The following KIF1C variants were observed in gnomAD, a reference collection of about 807,000 sequenced individuals.
The protein encoded by KIF1C is kinesin family member 1C, also known as kinesin-like protein KIF1C.
A neutral mutation model predicts 126.5 loss-of-function variants in KIF1C; 61 were observed. That is an observed-to-expected ratio of 0.48 (90% CI 0.39 to 0.60). The LOEUF is 0.60. KIF1C is among the 20% of genes least tolerant of loss of function. KIF1C has a pLI of 0.00. For synonymous variants in KIF1C, 640 were observed against 580.6 expected, an observed-to-expected ratio of 1.10 and a Z score of -1.47; for missense variants, 1,315 against 1,489.2, an observed-to-expected ratio of 0.88 and a Z score of 1.93.
chr17:5,016,218 A>G (rs1232227966), intron 18 of KIF1C, among the ~76,000 whole-genome samples: 1 of 150,456 alleles, frequency 6.6e-6, no homozygotes, highest in Non-Finnish European at 1.5e-5. Flanking sequence ...ACTCACTGCA[A>G]CCTCTGCCTC....
chr17:5,021,014 C>T, intron 21 of KIF1C, 136 bp downstream of exon 21: 1 of 716,756 alleles, frequency 1.4e-6, no homozygotes, highest in East Asian at 2.7e-5. Flanking sequence ...AGGAAAAAGC[C>T]AGGAGAGAGA....
Position 5,022,494 on chromosome 17 carries a change from G to C in KIF1C, c.2413G>C (p.Asp805His). Residue 805 changes from aspartate to histidine, a missense_variant, in exon 22 of 23, where the codon GAC becomes CAC. Asp to His is a moderately conservative substitution (Grantham distance 81). This residue lies in a region of KIF1C where 441 missense variants were observed against 436.1 expected (regional missense o/e 1.01). Transcript: ENST00000320785. The surrounding 1 kb of genome is among the most constrained non-coding windows in gnomAD (Gnocchi z 4.9). ...AWRAVARDVWDTVGEEEGGGA... is the reference protein window; with the variant it reads ...AWRAVARDVWHTVGEEEGGGA... ...GAGGGCTGTGGCCCGGGATGTCTGG[G>C]ACACTGTAGGCGAGGAGGAAGGAGG... is the stretch of plus-strand genomic sequence containing the variant. The C allele has an allele frequency of 6.3e-7, 1 of 1,587,644 alleles. No homozygotes were observed. Among genetic ancestry groups the C allele is most frequent in the Non-Finnish European group, 8.6e-7 (1 of 1,165,872 alleles).
intron 8 of KIF1C, among the ~76,000 whole-genome samples, 179 bp from the exon 9 acceptor site, chr17:5,003,429 TTGAG>T (rs1169302222): frequency 2.0e-5 from 3 of 152,094 alleles, no homozygotes; most frequent in African/African-American, 7.2e-5. Flanking sequence ...CTATTTGTAA[TTGAG>T]TGAGTAACCA....
intron 16 of KIF1C, among the ~76,000 whole-genome samples, chr17:5,009,997 G>A (rs1013782719): frequency 6.6e-6 from 1 of 152,064 alleles, no homozygotes; most frequent in Non-Finnish European, 1.5e-5. Flanking sequence ...CACAATCTCA[G>A]CTCAGTGCAA....
In KIF1C at chr17:5,023,699, G is replaced by A; in HGVS notation, c.2860G>A (p.Gly954Ser). 3 of 1,578,782 alleles carry A rather than the reference G, an allele frequency of 1.9e-6. No homozygotes were observed. The highest frequency in any genetic ancestry group is 2.6e-6 in the Non-Finnish European group (3 of 1,162,470). The change falls in exon 23 of 23, where the codon GGC becomes AGC. Residue 954 changes from glycine to serine, a missense_variant. Around this residue, in one of 2 missense-constraint regions of KIF1C, gnomAD observed 441 missense variants for 436.1 expected, o/e 1.01. Coordinates refer to ENST00000320785, the MANE Select transcript of KIF1C (RefSeq NM_006612.6). This position sits in a 1 kb window ranked among gnomAD's most constrained non-coding sequence, Gnocchi z 4.2. ...GCAGCTACGGCTGCAGGGACTGCAG[G>A]GCTCTGGGGGCCGGGGCGGGGGGCT... ...QEQLRLQGLQ[G>S]SGGRGGGLRR...
chr17:5,020,981 G>C lies in KIF1C; in HGVS notation c.2010+103G>C. The stretch of plus-strand genomic sequence containing the variant: ...CTGAGCCAGAGTGGGAAATGGGCAT[G>C]GGGGTAAGGGGAAGGGTCCAAGAGG... On this transcript the variant is annotated intron_variant, in intron 21 of 22. Coordinates refer to ENST00000320785, the MANE Select transcript of KIF1C (RefSeq NM_006612.6). This position sits in a 1 kb window ranked among gnomAD's most constrained non-coding sequence, Gnocchi z 5.8. 1.0e-6 allele frequency: 1 copy of C among 989,982 alleles called. No homozygotes were observed. Among genetic ancestry groups the C allele is most frequent in the Admixed American group, 2.1e-5 (1 of 48,596 alleles). The allele number at this position is 989,982 out of a possible 1,614,324, so 61.3% of individuals were successfully genotyped here.
rs544791036 is a variant in KIF1C at position 5,000,985 on chromosome 17, G to A, written c.183+137G>A. ...GGGAGGATGATCCTGGGTGGGGGTG[G>A]TAGGACCCTTAGGCTGTGATTGAGG... On this transcript the variant is annotated intron_variant, in intron 4 of 22. Coordinates refer to ENST00000320785, the MANE Select transcript of KIF1C (RefSeq NM_006612.6). The A allele has an allele frequency of 1.2e-3, 1,159 of 993,064 alleles. 1 individual carries two copies. Among genetic ancestry groups the A allele is most frequent in the Non-Finnish European group, 1.6e-3 (1,042 of 643,502 alleles). 61.5% of individuals were successfully genotyped at this position (993,064 alleles called of 1,614,324 possible).
chr17:5,022,649 G>A lies in KIF1C; in HGVS notation c.2568G>A (p.Arg856=). The A allele has an allele frequency of 3.7e-6, 6 of 1,602,694 alleles. No homozygotes were observed. In the South Asian group the frequency reaches 5.6e-5, roughly 15 times the overall value. The change falls in exon 22 of 23, where the codon CGG becomes CGA. Residue 856 remains arginine, a synonymous_variant. Coordinates refer to ENST00000320785, the MANE Select transcript of KIF1C (RefSeq NM_006612.6). The surrounding 1 kb of genome is among the most constrained non-coding windows in gnomAD (Gnocchi z 4.9). ...AGCTGCAGAACAGCAGCAAGGACCG[G>A]GAGCTGCAGGCCCTGCGGGACCGCA... The part of the protein sequence containing the change: ...EVKLQNSSKD[R]ELQALRDRML...
intron 8 of KIF1C, among the ~76,000 whole-genome samples, chr17:5,003,370 G>A (rs1370783654): frequency 6.6e-6 from 1 of 152,210 alleles, no homozygotes; most frequent in Non-Finnish European, 1.5e-5. Flanking sequence ...CCAGGACAGG[G>A]CTTGGATCCC....
chr17:5,003,895 G>T lies in KIF1C; in HGVS notation c.843G>T (p.Val281=), dbSNP rs374022144. The T allele has an allele frequency of 2.4e-5, 39 of 1,613,964 alleles. No individual in the cohort carries two copies. The highest frequency in any genetic ancestry group is 1.2e-4 in the Admixed American group (7 of 59,994). The change falls in exon 10 of 23, where the codon GTG becomes GTT. Residue 281 remains valine (V), a synonymous_variant. Coordinates refer to ENST00000320785, the MANE Select transcript of KIF1C (RefSeq NM_006612.6). ...AGTCCCTGACTACACTAGGGAAAGT[G>T]ATCTCGGCCCTTGCAGATATGGTGA... ...INKSLTTLGK[V]ISALADMQSK... is the part of the protein sequence containing the mutation.
intron 18 of KIF1C, 98 bp from the exon 19 acceptor site, chr17:5,019,898 T>G: frequency 3.1e-5 from 25 of 816,496 alleles, no homozygotes; most frequent in East Asian, 8.1e-5. Context: ...TGGTGGTGCA[T>G]GTGTGGTTTT....
chr17:5,004,687 G>A (rs373866869), intron 12 of KIF1C, 42 bp downstream of exon 12: 22 of 1,602,032 alleles, frequency 1.4e-5, no homozygotes, highest in Non-Finnish European at 1.6e-5. Context: ...AGCATAGGAA[G>A]AGTGCCAGGA....
In KIF1C at chr17:5,003,607, C is replaced by T. The variant is rs1597843791; in HGVS notation, c.721-5C>T. 1.9e-6 allele frequency: 3 copies of T among 1,610,108 alleles called. No homozygotes were observed. Among genetic ancestry groups the T allele is most frequent in the South Asian group, 2.2e-5 (2 of 90,654 alleles). On this transcript the variant is annotated splice_region_variant and splice_polypyrimidine_tract_variant and intron_variant, in intron 8 of 22. Coordinates refer to ENST00000320785, the MANE Select transcript of KIF1C (RefSeq NM_006612.6). ...TTATCTCCTGCCTGTTTCCTCTGACCCCAGGTCAGTAAGATCAGTTTGGTG... is the reference window on the plus strand; with the variant it reads ...TTATCTCCTGCCTGTTTCCTCTGACTCCAGGTCAGTAAGATCAGTTTGGTG...
In KIF1C at chr17:5,023,852, C is replaced by G. The variant is rs370095783; in HGVS notation, c.3013C>G (p.Pro1005Ala). 6.6e-7 allele frequency: 1 copy of G among 1,518,786 alleles called. No homozygotes were observed. Among genetic ancestry groups the G allele is most frequent in the Non-Finnish European group, 8.8e-7 (1 of 1,133,554 alleles). The allele number at this position is 1,518,786 out of a possible 1,614,324, so 94.1% of individuals were successfully genotyped here. ...CGGGGAGGCTCCAACTCCGCTCCAA[C>G]CCCCTGAGGAGGTCACTCCCCATCC... ...GSGEAPTPLQ[P>A]PEEVTPHPAT... The change falls in exon 23 of 23, where the codon CCC (proline) becomes GCC (alanine). Residue 1005 changes from proline to alanine, a missense_variant. Pro to Ala is a conservative substitution (Grantham distance 27). This residue lies in a region of KIF1C where 441 missense variants were observed against 436.1 expected (regional missense o/e 1.01). Coordinates refer to ENST00000320785, the MANE Select transcript of KIF1C (RefSeq NM_006612.6). The surrounding 1 kb of genome is among the most constrained non-coding windows in gnomAD (Gnocchi z 4.2).
intron 18 of KIF1C, among the ~76,000 whole-genome samples, chr17:5,016,384 G>C (rs1481599864): frequency 6.6e-6 from 1 of 151,684 alleles, no homozygotes; most frequent in Non-Finnish European, 1.5e-5. Flanking sequence ...CCAAGGTGCT[G>C]GGATTACAGG....
intron 16 of KIF1C, 86 bp downstream of exon 16, chr17:5,007,628 C>A: frequency 9.0e-7 from 1 of 1,112,742 alleles, no homozygotes; most frequent in Non-Finnish European, 1.3e-6. Flanking sequence ...TGAGTGCTGT[C>A]CCTGATCGCT....
rs764921047 is a variant in KIF1C at position 5,020,799 on chromosome 17, A to T, written c.1938-7A>T. The T allele has an allele frequency of 1.9e-6, 3 of 1,596,528 alleles. No homozygotes were observed. On this transcript the variant is annotated splice_region_variant and splice_polypyrimidine_tract_variant and intron_variant, in intron 20 of 22. Coordinates refer to ENST00000320785, the MANE Select transcript of KIF1C (RefSeq NM_006612.6). The surrounding 1 kb of genome is among the most constrained non-coding windows in gnomAD (Gnocchi z 5.8). ...TTGCTCTTCCTTCCCTCCCTGTCCAATCCCAGGCTGCAGGATCTGGAGAAT... is the reference window on the plus strand; with the variant it reads ...TTGCTCTTCCTTCCCTCCCTGTCCATTCCCAGGCTGCAGGATCTGGAGAAT...
At chr17:5,004,715 T>C (rs1974685802) in intron 12 of KIF1C, 70 bp downstream of exon 12, 2 of 1,588,418 alleles carry the variant, frequency 1.3e-6, no homozygotes, top group Non-Finnish European at 1.7e-6. Context: ...GGCGAGTTGC[T>C]CAGGACCCTG....
In KIF1C at chr17:5,020,991, G is replaced by T; in HGVS notation, c.2010+113G>T. Reference sequence around the variant, plus strand: ...GTGGGAAATGGGCATGGGGGTAAGGGGAAGGGTCCAAGAGGAAAAAGCCAG... The same window carrying T: ...GTGGGAAATGGGCATGGGGGTAAGGTGAAGGGTCCAAGAGGAAAAAGCCAG... On this transcript the variant is annotated intron_variant, in intron 21 of 22. Transcript: ENST00000320785. The surrounding 1 kb of genome is among the most constrained non-coding windows in gnomAD (Gnocchi z 5.8). The T allele has an allele frequency of 1.1e-6, 1 of 904,836 alleles. No individual in the cohort carries two copies. 56.1% of individuals were successfully genotyped at this position (904,836 alleles called of 1,614,324 possible). A position where few individuals can be genotyped will look rare whatever the true frequency, so the allele number is the denominator to read the frequency against.
Sources: allele counts gnomAD v4.1 joint callset (sites outside exome capture counted in the v4.1 genomes callset), GRCh38; gene constraint gnomAD v4.1.1; regional missense constraint gnomAD v4.1.1; non-coding constraint Gnocchi (gnomAD v3.1); transcripts MANE v1.5; gene names NCBI Gene and HGNC (gene_info 2026-07-23, HGNC 2026-07-21).